The following BMP2K variants were observed in gnomAD, a reference collection of about 807,000 sequenced individuals.
BMP2K encodes BMP2 inducible kinase.
BMP2K carries 74 observed loss-of-function variants against 116.0 expected under a neutral mutation model. That is an observed-to-expected ratio of 0.64 (90% CI 0.53 to 0.77). The LOEUF (loss-of-function observed/expected upper bound fraction) is 0.77. Among genes scored for constraint, BMP2K ranks in the 30% least tolerant of loss-of-function variants. BMP2K has a pLI of 0.00. For synonymous variants in BMP2K, 486 were observed against 502.5 expected (o/e 0.97, Z 0.44); for missense variants, 1,365 against 1,403.6 (o/e 0.97, Z 0.44).
At chr4:78,829,787 TTTCTCTTCTCTTCTC>T (rs745602899) in intron 2 of BMP2K, among the ~76,000 whole-genome samples, 160 of 86,624 alleles carry the variant, frequency 1.8e-3, no homozygotes, top group South Asian at 2.3e-3. Context: ...TTTCTTTTCT[TTTCTCTTCTCTTCTC>T]TTCTCTTCTC....
At chr4:78,881,351 C>G (rs1223166840) in intron 14 of BMP2K, among the ~76,000 whole-genome samples, 3 of 152,020 alleles carry the variant, frequency 2.0e-5, no homozygotes, top group East Asian at 3.9e-4. Flanking sequence ...TGTGGGCAAA[C>G]ACATCAAAAG....
At chr4:78,900,998 C>G (rs1733970857) in intron 15 of BMP2K, among the ~76,000 whole-genome samples, 2 of 152,086 alleles carry the variant, frequency 1.3e-5, no homozygotes, top group Non-Finnish European at 1.5e-5. Flanking sequence ...AGTTAAAAAT[C>G]TTAGTTCTAT....
chr4:78,910,484 A>G (rs1734529977), intron 15 of BMP2K, 126 bp from the exon 16 acceptor site: 15 of 796,380 alleles, frequency 1.9e-5, no homozygotes, highest in Non-Finnish European at 2.7e-5. Flanking sequence ...TGACAACATT[A>G]TTTTTTCCTC....
intron 4 of BMP2K, among the ~76,000 whole-genome samples, chr4:78,843,835 CTCT>C (rs1253662075): frequency 1.4e-4 from 21 of 151,942 alleles, no homozygotes; most frequent in Non-Finnish European, 2.4e-4. Context: ...CTTCAGCTGA[CTCT>C]TCTTTAAATT....
chr4:78,878,903 T>C lies in BMP2K; in HGVS notation c.1951+12T>C. The C allele has an allele frequency of 6.3e-7, 1 of 1,599,898 alleles. No individual in the cohort carries two copies. The highest frequency in any genetic ancestry group is 8.5e-7 in the Non-Finnish European group (1 of 1,176,250). On this transcript the variant is annotated intron_variant, in intron 14 of 15. Transcript: ENST00000502613. ...CCTTCTAAGATCAAGTAAGGGACAC[T>C]TGAAGGCTTATTTTGCTTCACAGTA...
At chr4:78,854,528 C>T (rs2110037684) in intron 7 of BMP2K, among the ~76,000 whole-genome samples, 1 of 152,142 alleles carries the variant, frequency 6.6e-6, no homozygotes, top group African/African-American at 2.4e-5. Flanking sequence ...CTGCCTCGGC[C>T]TCCCAAAGTG....
chr4:78,831,522 A>G (rs763993725), intron 2 of BMP2K, among the ~76,000 whole-genome samples: 1 of 152,200 alleles, frequency 6.6e-6, no homozygotes, highest in Non-Finnish European at 1.5e-5. Context: ...TCCTTATCCA[A>G]AAAAATCCTA....
intron 4 of BMP2K, among the ~76,000 whole-genome samples, chr4:78,843,343 A>G (rs1175367349): frequency 6.6e-6 from 1 of 151,782 alleles, no homozygotes; most frequent in East Asian, 1.9e-4. Context: ...GTGATACTGT[A>G]TAATTTGCTT....
intron 1 of BMP2K, among the ~76,000 whole-genome samples, chr4:78,783,207 A>G (rs1389818978): frequency 6.6e-6 from 1 of 152,238 alleles, no homozygotes; most frequent in Non-Finnish European, 1.5e-5. Flanking sequence ...TGAATTTTCA[A>G]GTTTCAATCA....
At chr4:78,908,363 A>G (rs1734390597) in intron 15 of BMP2K, among the ~76,000 whole-genome samples, 1 of 152,000 alleles carries the variant, frequency 6.6e-6, no homozygotes, top group Non-Finnish European at 1.5e-5. Context: ...CCTCCCTCAA[A>G]CATTCTTCTC....
At chr4:78,893,025 T>A (rs1733524381) in intron 15 of BMP2K, among the ~76,000 whole-genome samples, 1 of 152,216 alleles carries the variant, frequency 6.6e-6, no homozygotes, top group African/African-American at 2.4e-5. Context: ...ATGAAAGACT[T>A]CTCTGTACAT....
At chr4:78,878,940 C>T (rs1732768776) in intron 14 of BMP2K, 49 bp downstream of exon 14, 2 of 1,574,442 alleles carry the variant, frequency 1.3e-6, no homozygotes, top group South Asian at 2.4e-5. Context: ...AATAACAGCT[C>T]TATTATTATT....
intron 2 of BMP2K, among the ~76,000 whole-genome samples, chr4:78,832,489 G>T (rs566071933): frequency 6.6e-6 from 1 of 152,116 alleles, no homozygotes; most frequent in South Asian, 2.1e-4. Flanking sequence ...GTATTCCTTA[G>T]CTAGATTAGA....
intron 9 of BMP2K, among the ~76,000 whole-genome samples, chr4:78,863,563 C>T (rs1001925021): frequency 6.6e-5 from 10 of 152,028 alleles, no homozygotes; most frequent in Non-Finnish European, 1.5e-4. Flanking sequence ...GGATTTTAAG[C>T]AGGAGAGTGT....
chr4:78,851,065 T>C lies in BMP2K; in HGVS notation c.883+9T>C, dbSNP rs763142901. On this transcript the variant is annotated intron_variant, in intron 7 of 15. Coordinates refer to ENST00000502613, the MANE Select transcript of BMP2K (RefSeq NM_198892.2). Reference sequence around the variant, plus strand: ...CATACATTGCTTAATAAGTAAGTATTTGGGAAAATGTATGAAAATATTGTA... The same window carrying C: ...CATACATTGCTTAATAAGTAAGTATCTGGGAAAATGTATGAAAATATTGTA... 6.2e-6 allele frequency: 10 copies of C among 1,603,426 alleles called. No homozygotes were observed. The highest frequency in any genetic ancestry group is 8.5e-6 in the Non-Finnish European group (10 of 1,174,286).
At chr4:78,787,439 C>A (rs975842129) in intron 1 of BMP2K, among the ~76,000 whole-genome samples, 1 of 152,258 alleles carries the variant, frequency 6.6e-6, no homozygotes, top group South Asian at 2.1e-4. Context: ...ATGTGACTCT[C>A]AAAATGTTCT....
chr4:78,851,527 C>T (rs1051034312), intron 7 of BMP2K, among the ~76,000 whole-genome samples: 4 of 152,048 alleles, frequency 2.6e-5, no homozygotes, highest in Admixed American at 6.6e-5. Context: ...CCTTTTAACA[C>T]GGAGTGTGTC....
At chr4:78,818,782 G>C (rs1351009853) in intron 1 of BMP2K, among the ~76,000 whole-genome samples, 1 of 150,362 alleles carries the variant, frequency 6.7e-6, no homozygotes, top group Non-Finnish European at 1.5e-5. Flanking sequence ...TTCGTAAGAT[G>C]AAGCAGTGTT....
intron 5 of BMP2K, among the ~76,000 whole-genome samples, chr4:78,846,322 T>A (rs942047009): frequency 6.6e-6 from 1 of 151,572 alleles, no homozygotes; most frequent in African/African-American, 2.4e-5. Context: ...TTGGTGAACT[T>A]TATATTTCTG....
Sources: gnomAD v4.1 joint callset for allele counts (sites outside exome capture counted in the v4.1 genomes callset) on GRCh38, gnomAD v4.1.1 for gene constraint, MANE v1.5 for transcripts, NCBI Gene and HGNC (gene_info 2026-07-23, HGNC 2026-07-21) for gene names.